RCOR1: variants seen among roughly 807,000 people sequenced by gnomAD.
The protein encoded by RCOR1 is REST corepressor 1, also known as REST corepressor.
A neutral mutation model predicts 64.0 loss-of-function variants in RCOR1; 12 were observed. That is an observed-to-expected ratio of 0.19 (90% CI 0.12 to 0.30). The LOEUF is 0.30. RCOR1 is among the 10% of genes least tolerant of loss of function. RCOR1 has a pLI of 1.00. For synonymous variants in RCOR1, 279 were observed against 227.2 expected, an observed-to-expected ratio of 1.23 and a Z score of -2.05; for missense variants, 502 against 621.2, an observed-to-expected ratio of 0.81 and a Z score of 2.04.
intron 2 of RCOR1, among the ~76,000 whole-genome samples, chr14:102,597,153 G>T (rs998349920): frequency 3.9e-5 from 6 of 152,094 alleles, no homozygotes; most frequent in South Asian, 2.1e-4. Context: ...GATTACAGGC[G>T]TGAGCCACCA....
chr14:102,691,958 T>A (rs1895542265), intron 3 of RCOR1, among the ~76,000 whole-genome samples: 1 of 152,198 alleles, frequency 6.6e-6, no homozygotes, highest in African/African-American at 2.4e-5. Context: ...CAGTGCCAAA[T>A]TATTTTCAAA....
intron 2 of RCOR1, among the ~76,000 whole-genome samples, chr14:102,608,239 A>G (rs1028258873): frequency 6.6e-6 from 1 of 152,170 alleles, no homozygotes; most frequent in East Asian, 1.9e-4. Flanking sequence ...TCTCAGTACC[A>G]GGCAACCACT....
chr14:102,688,162 T>TAA (rs973669382), intron 3 of RCOR1, among the ~76,000 whole-genome samples: 27 of 152,076 alleles, frequency 1.8e-4, no homozygotes, highest in African/African-American at 5.8e-4. Context: ...GACAGGGTTT[T>TAA]ACCATGTTGG....
chr14:102,602,448 G>A (rs1032719158), intron 2 of RCOR1, among the ~76,000 whole-genome samples: 12 of 145,962 alleles, frequency 8.2e-5, no homozygotes, highest in African/African-American at 3.1e-4. Flanking sequence ...TGTTCCCCAG[G>A]CTAGAAATGC....
At chr14:102,649,580 G>C (rs951755571) in intron 2 of RCOR1, among the ~76,000 whole-genome samples, 8 of 152,236 alleles carry the variant, frequency 5.3e-5, no homozygotes, top group African/African-American at 1.9e-4. Context: ...TGGCTGCCAG[G>C]TTTCAGAGGC....
At chr14:102,599,736 G>A (rs1595188424) in intron 2 of RCOR1, among the ~76,000 whole-genome samples, 1 of 150,396 alleles carries the variant, frequency 6.6e-6, no homozygotes, top group Admixed American at 6.6e-5. Flanking sequence ...GTGATTCTAT[G>A]TTCTGCTTTT....
chr14:102,692,790 C>G (rs1368971185), intron 3 of RCOR1, among the ~76,000 whole-genome samples: 3 of 106,946 alleles, frequency 2.8e-5, no homozygotes, highest in African/African-American at 1.1e-4. Flanking sequence ...TTTTTTGAGA[C>G]AGTCTTGCTC....
chr14:102,641,509 C>A (rs750151465), intron 2 of RCOR1, among the ~76,000 whole-genome samples: 1 of 151,010 alleles, frequency 6.6e-6, no homozygotes. Context: ...CTGAGGTGGG[C>A]GGATCACTTG....
intron 2 of RCOR1, among the ~76,000 whole-genome samples, chr14:102,645,911 T>G (rs1894469808): frequency 6.6e-6 from 1 of 152,190 alleles, no homozygotes; most frequent in African/African-American, 2.4e-5. Flanking sequence ...TTGTTTGTGC[T>G]GCTTCTTCAG....
At chr14:102,688,139 T>A (rs1371329028) in intron 3 of RCOR1, among the ~76,000 whole-genome samples, 2 of 152,106 alleles carry the variant, frequency 1.3e-5, no homozygotes, top group East Asian at 3.9e-4. Context: ...GCTAATTGTG[T>A]GTTTTTAGTA....
intron 11 of RCOR1, among the ~76,000 whole-genome samples, chr14:102,724,357 C>A (rs529700331): frequency 4.6e-5 from 7 of 152,120 alleles, no homozygotes; most frequent in Admixed American, 3.9e-4. Flanking sequence ...CAGAGTCTCC[C>A]TCTGTCACCC....
intron 8 of RCOR1, 83 bp from the exon 9 acceptor site, chr14:102,720,924 T>C: frequency 1.4e-6 from 1 of 713,646 alleles, no homozygotes; most frequent in South Asian, 2.2e-5. Context: ...CTTGGGTTTT[T>C]GTTTCTTTAG....
chr14:102,683,887 G>C (rs1256681398), intron 3 of RCOR1, among the ~76,000 whole-genome samples: 1 of 152,224 alleles, frequency 6.6e-6, no homozygotes, highest in African/African-American at 2.4e-5. Flanking sequence ...CTAGCTCTGC[G>C]GGGGCTGGGG....
intron 2 of RCOR1, among the ~76,000 whole-genome samples, chr14:102,632,264 T>A (rs1362531304): frequency 6.6e-6 from 1 of 150,494 alleles, no homozygotes; most frequent in African/African-American, 2.5e-5. Context: ...TCACCCAGGC[T>A]GGAGTGCAGT....
rs560304274 is a variant in RCOR1 at position 102,650,127 on chromosome 14, G to A, written c.362-31768G>A. Among the ~76,000 whole-genome samples, 15 of 151,294 alleles carry A rather than the reference G, an allele frequency of 9.9e-5. No homozygotes were observed. The South Asian group carries it at 2.1e-3, about 21-fold the overall frequency. On this transcript the variant is annotated intron_variant, in intron 2 of 11. Coordinates refer to ENST00000262241, the MANE Select transcript of RCOR1 (RefSeq NM_015156.4). ...GCAGGAGAATGGTGTGAACCTGGGA[G>A]GTGCAGCTTGCAGGGAGCCGAGATC...
rs993737808 is a variant in RCOR1, at chr14:102,673,678, C to T, written c.362-8217C>T. Reference sequence around the variant, plus strand: ...TTGCCCAGGCTAGAGTGCAATGGCACGATCTCGGCTCACCGCAACCTCCGC... The same window carrying T: ...TTGCCCAGGCTAGAGTGCAATGGCATGATCTCGGCTCACCGCAACCTCCGC... On this transcript the variant is annotated intron_variant, in intron 2 of 11. Transcript: ENST00000262241. Among the ~76,000 whole-genome samples the T allele has an allele frequency of 3.4e-5, 5 of 149,022 alleles. No individual in the cohort carries two copies. The South Asian group carries it at 6.4e-4, about 19-fold the overall frequency.
intron 2 of RCOR1, among the ~76,000 whole-genome samples, chr14:102,643,763 G>A (rs1894421304): frequency 6.6e-6 from 1 of 152,176 alleles, no homozygotes; most frequent in Non-Finnish European, 1.5e-5. Context: ...AAATGGGGAG[G>A]ACGGGTGGAA....
At chr14:102,620,255 C>A (rs986562251) in intron 2 of RCOR1, among the ~76,000 whole-genome samples, 24 of 148,242 alleles carry the variant, frequency 1.6e-4, no homozygotes, top group South Asian at 6.3e-4. Context: ...ACACACACCC[C>A]CCCACACCCA....
chr14:102,607,341 C>T (rs1253803334), intron 2 of RCOR1, among the ~76,000 whole-genome samples: 1 of 152,052 alleles, frequency 6.6e-6, no homozygotes, highest in Non-Finnish European at 1.5e-5. Context: ...GCTGATTATC[C>T]CTATTGTCTC....
Sources: allele counts gnomAD v4.1 joint callset (sites outside exome capture counted in the v4.1 genomes callset), GRCh38; gene constraint gnomAD v4.1.1; transcripts MANE v1.5; gene names NCBI Gene and HGNC (gene_info 2026-07-23, HGNC 2026-07-21).